Variants in MBD5 observed in about 807,000 individuals in gnomAD.
MBD5 encodes methyl-CpG-binding domain protein 5.
A neutral mutation model predicts 117.3 loss-of-function variants in MBD5; 13 were observed. That is an observed-to-expected ratio of 0.11 (90% CI 0.07 to 0.18). The LOEUF is 0.18. MBD5 is among the 10% of genes least tolerant of loss of function. The probability of loss-of-function intolerance (pLI) is 1.00; values close to 1 mark genes in which losing one functional copy is unlikely to be tolerated. For missense variants in MBD5, 1,879 were observed against 2,093.8 expected (o/e 0.90, Z 2.00); for synonymous variants, 727 against 766.4 (o/e 0.95, Z 0.85).
intron 3 of MBD5, among the ~76,000 whole-genome samples, chr2:148,304,926 G>C (rs1293693830): frequency 6.6e-6 from 1 of 151,378 alleles, no homozygotes; most frequent in African/African-American, 2.4e-5. Flanking sequence ...TTAGCCGGGC[G>C]TAGTGGCGGG....
chr2:148,303,349 A>G (rs976372481), intron 3 of MBD5, among the ~76,000 whole-genome samples: 1 of 152,240 alleles, frequency 6.6e-6, no homozygotes, highest in Admixed American at 6.5e-5. Context: ...TAATATATGC[A>G]AAGTTGGTAG....
At chr2:148,361,258 G>A (rs1302984283) in intron 4 of MBD5, among the ~76,000 whole-genome samples, 2 of 152,108 alleles carry the variant, frequency 1.3e-5, no homozygotes, top group Non-Finnish European at 2.9e-5. Flanking sequence ...GCTGAGGGAG[G>A]AGAATCTCTT....
intron 4 of MBD5, among the ~76,000 whole-genome samples, chr2:148,392,406 A>C (rs1381551336): frequency 6.6e-6 from 1 of 152,216 alleles, no homozygotes; most frequent in Admixed American, 6.5e-5. Flanking sequence ...CTTGTTAAAA[A>C]TACAGATGCC....
At chr2:148,261,750 A>G (rs565205445) in intron 3 of MBD5, among the ~76,000 whole-genome samples, 2 of 152,238 alleles carry the variant, frequency 1.3e-5, no homozygotes, top group Non-Finnish European at 2.9e-5. Flanking sequence ...CTACCTGTTC[A>G]GCAGAAGAAG....
At chr2:148,312,126 C>T (rs938278516) in intron 3 of MBD5, among the ~76,000 whole-genome samples, 4 of 152,054 alleles carry the variant, frequency 2.6e-5, no homozygotes, top group Non-Finnish European at 5.9e-5. Context: ...CATTATGTGT[C>T]TTGTGGTTGC....
intron 1 of MBD5, among the ~76,000 whole-genome samples, chr2:148,069,622 A>T (rs945822688): frequency 6.6e-6 from 1 of 152,094 alleles, no homozygotes; most frequent in African/African-American, 2.4e-5. Flanking sequence ...TGTCTATACA[A>T]GCCGCTGTTA....
chr2:148,028,030 CTG>C (rs1248471615), intron 1 of MBD5: 1 of 152,072 alleles, frequency 6.6e-6, no homozygotes, highest in Non-Finnish European at 1.5e-5. Context: ...GAATGACTCA[CTG>C]TAACTCACTA....
rs767806915 is a variant in MBD5, at chr2:148,489,973, A to G, written c.4341A>G (p.Glu1447=). 1.1e-5 allele frequency: 17 copies of G among 1,614,082 alleles called. No homozygotes were observed. Among genetic ancestry groups the G allele is most frequent in the Non-Finnish European group, 1.4e-5 (17 of 1,180,006 alleles). The change falls in exon 11 of 14, where the codon GAA becomes GAG. Residue 1447 remains glutamate (E), a synonymous_variant. Coordinates refer to ENST00000642680, the MANE Select transcript of MBD5 (RefSeq NM_001378120.1). ...AGCGAAACAGGTGGAAGTACGAGGAATTTTTAGATCATCCAGGCCATATCC... is the reference window on the plus strand; with the variant it reads ...AGCGAAACAGGTGGAAGTACGAGGAGTTTTTAGATCATCCAGGCCATATCC... ...RGERNRWKYE[E]FLDHPGHIHS... is the part of the protein sequence containing the mutation.
At chr2:148,052,206 G>GTGTTT (rs1694726138) in intron 1 of MBD5, among the ~76,000 whole-genome samples, 2 of 83,742 alleles carry the variant, frequency 2.4e-5, no homozygotes, top group East Asian at 8.7e-4. Context: ...CTGTTATTGA[G>GTGTTT]TTTTTTTTTT....
chr2:148,394,545 G>GTTTTTTTTTTTTTTATTTTT (rs1704651890), intron 4 of MBD5, among the ~76,000 whole-genome samples: 1 of 121,850 alleles, frequency 8.2e-6, no homozygotes, highest in Non-Finnish European at 1.7e-5. Context: ...CTGTACTTTG[G>GTTTTTTTTTTTTTTATTTTT]TTTTTTTTTT....
intron 2 of MBD5, among the ~76,000 whole-genome samples, chr2:148,205,304 G>T (rs977477110): frequency 6.6e-6 from 1 of 152,026 alleles, no homozygotes; most frequent in African/African-American, 2.4e-5. Flanking sequence ...TGGCCATGCT[G>T]GTCTCAAACT....
chr2:148,284,144 G>T (rs1286709622), intron 3 of MBD5, among the ~76,000 whole-genome samples: 1 of 152,080 alleles, frequency 6.6e-6, no homozygotes, highest in Non-Finnish European at 1.5e-5. Context: ...GAGTTTGGGG[G>T]ATTAAATCTC....
At chr2:148,091,850 A>G (rs1423543057) in intron 1 of MBD5, among the ~76,000 whole-genome samples, 1 of 152,214 alleles carries the variant, frequency 6.6e-6, no homozygotes, top group Non-Finnish European at 1.5e-5. Flanking sequence ...TGCACAGCAG[A>G]AGAAGTAATT....
intron 3 of MBD5, among the ~76,000 whole-genome samples, chr2:148,280,548 C>G (rs1399016290): frequency 1.3e-5 from 2 of 152,182 alleles, no homozygotes; most frequent in African/African-American, 4.8e-5. Flanking sequence ...CCTTCCACCT[C>G]AGCCTCCCAA....
chr2:148,201,096 C>G (rs985265619), intron 2 of MBD5, among the ~76,000 whole-genome samples: 1 of 152,204 alleles, frequency 6.6e-6, no homozygotes, highest in Non-Finnish European at 1.5e-5. Context: ...TTGCTCAGGC[C>G]TGGGCTTGCC....
At chr2:148,386,456 C>T (rs572463178) in intron 4 of MBD5, among the ~76,000 whole-genome samples, 20 of 152,142 alleles carry the variant, frequency 1.3e-4, no homozygotes, top group Non-Finnish European at 2.2e-4. Flanking sequence ...CGGTGGCTCA[C>T]GCCTGTAATC....
chr2:148,167,259 C>CT (rs1698148255), intron 1 of MBD5, among the ~76,000 whole-genome samples: 1 of 152,138 alleles, frequency 6.6e-6, no homozygotes, highest in Non-Finnish European at 1.5e-5. Context: ...TATCTTCCCT[C>CT]TAGTTCCCTT....
At chr2:148,288,370 A>C (rs1198610821) in intron 3 of MBD5, among the ~76,000 whole-genome samples, 2 of 99,174 alleles carry the variant, frequency 2.0e-5, no homozygotes, top group African/African-American at 6.9e-5. Flanking sequence ...ACTGCACTCC[A>C]GCCTGGGCGA....
In MBD5 at chr2:148,045,988, T is replaced by A. The variant is rs1458948424; in HGVS notation, c.-925+24304T>A. Among the ~76,000 whole-genome samples, 12 of 135,532 alleles carry A rather than the reference T, an allele frequency of 8.9e-5. No individual in the cohort carries two copies. In the East Asian group the frequency reaches 2.5e-3, roughly 29 times the overall value. 88.9% of individuals were successfully genotyped at this position (135,532 alleles called of 152,430 possible). A position where few individuals can be genotyped will look rare whatever the true frequency, so the allele number is the denominator to read the frequency against. On this transcript the variant is annotated intron_variant, in intron 1 of 13. Transcript: ENST00000642680. ...TAATGAAGTGCCTTTTTTTTTTTTT[T>A]TTTTTTTTTTTTTTGAGACAGAGTC...
Sources: allele counts gnomAD v4.1 joint callset (sites outside exome capture counted in the v4.1 genomes callset), GRCh38; gene constraint gnomAD v4.1.1; transcripts MANE v1.5; gene names NCBI Gene and HGNC (gene_info 2026-07-23, HGNC 2026-07-21).